Variants in STRN observed in about 807,000 individuals in gnomAD.
STRN encodes the protein striatin, also known as protein phosphatase 2 regulatory subunit B'''alpha.
In STRN, 53 loss-of-function variants were observed where a neutral mutation model predicts 96.3. The observed-to-expected ratio is 0.55, with a 90% CI of 0.44 to 0.69. The LOEUF (loss-of-function observed/expected upper bound fraction) is 0.69. STRN is among the 30% of genes least tolerant of loss of function. The pLI is 0.00. For synonymous variants in STRN, 428 were observed against 355.9 expected (o/e 1.20, Z -2.28); for missense variants, 987 against 963.9 (o/e 1.02, Z -0.32).
chr2:36,879,130 G>C (rs1669000459), intron 9 of STRN, among the ~76,000 whole-genome samples: 1 of 151,530 alleles, frequency 6.6e-6, no homozygotes, highest in South Asian at 2.1e-4. Context: ...GAGTGCACTG[G>C]CATGATCTCA....
chr2:36,926,329 T>TAA (rs1052910354), intron 1 of STRN, among the ~76,000 whole-genome samples: 1 of 152,192 alleles, frequency 6.6e-6, no homozygotes, highest in Non-Finnish European at 1.5e-5. Flanking sequence ...TAATACCTCT[T>TAA]AAAAGTCATA....
chr2:36,912,157 T>G (rs551940256), intron 3 of STRN, among the ~76,000 whole-genome samples: 2 of 152,304 alleles, frequency 1.3e-5, no homozygotes, highest in South Asian at 4.1e-4. Context: ...CCCTACCACC[T>G]TCTTCAGATT....
intron 1 of STRN, among the ~76,000 whole-genome samples, chr2:36,947,147 C>T (rs1329005908): frequency 6.6e-6 from 1 of 152,126 alleles, no homozygotes; most frequent in Non-Finnish European, 1.5e-5. Flanking sequence ...CTGCCTGCCT[C>T]GGCCTCCCAA....
chr2:36,872,027 G>A (rs1383657924), intron 10 of STRN, among the ~76,000 whole-genome samples: 1 of 152,230 alleles, frequency 6.6e-6, no homozygotes, highest in Admixed American at 6.5e-5. Flanking sequence ...TTAAGCACCT[G>A]AAAGGCTTTC....
At chr2:36,957,860 C>G (rs917677510) in intron 1 of STRN, among the ~76,000 whole-genome samples, 12 of 139,832 alleles carry the variant, frequency 8.6e-5, no homozygotes, top group Non-Finnish European at 1.5e-4. Flanking sequence ...AGGTGATTCT[C>G]CTGCCTCAGC....
At chr2:36,894,162 G>A in intron 6 of STRN, 129 bp from the exon 7 acceptor site, 2 of 1,022,236 alleles carry the variant, frequency 2.0e-6, no homozygotes, top group Non-Finnish European at 2.7e-6. Flanking sequence ...CTAACTCAGT[G>A]AAAATCACAT....
At chr2:36,887,084 C>CACACACACACACACACACAT (rs1281980963) in intron 7 of STRN, among the ~76,000 whole-genome samples, 1 of 118,112 alleles carries the variant, frequency 8.5e-6, no homozygotes, top group African/African-American at 2.9e-5. Context: ...CACACACACA[C>CACACACACACACACACACAT]ACGGAAGATT....
At chr2:36,857,774 G>A in intron 14 of STRN, 82 bp downstream of exon 14, 3 of 1,190,022 alleles carry the variant, frequency 2.5e-6, no homozygotes, top group South Asian at 1.8e-5. Context: ...AAAGAGTTCA[G>A]GGAATCATTT....
rs886896996 is a variant in STRN, at chr2:36,844,712, G to T, written c.*4744C>A. The T allele has an allele frequency of 2.0e-5, 3 of 151,932 alleles. No homozygotes were observed. The highest frequency in any genetic ancestry group is 1.5e-5 in the Non-Finnish European group (1 of 67,970). 9.4% of individuals were successfully genotyped at this position (151,932 alleles called of 1,614,324 possible). On this transcript the variant is annotated 3_prime_UTR_variant, in exon 18 of 18. Transcript: ENST00000263918. ...AAAAAAACAAAACAAAAACTGAAAG[G>T]ATCTGTTAAATACTTTGTCAACCTG...
At chr2:36,902,555 C>T (rs1669714165) in intron 5 of STRN, 29 bp downstream of exon 5, 23 of 1,563,258 alleles carry the variant, frequency 1.5e-5, no homozygotes, top group Non-Finnish European at 1.9e-5. Context: ...CTAATAATAG[C>T]TAAAACACTT....
chr2:36,904,236 A>C (rs1368858261), intron 4 of STRN, among the ~76,000 whole-genome samples: 1 of 152,244 alleles, frequency 6.6e-6, no homozygotes, highest in Non-Finnish European at 1.5e-5. Flanking sequence ...TTTTCTTGTA[A>C]CTATCTAGAT....
At chr2:36,949,137 C>T (rs1003969279) in intron 1 of STRN, among the ~76,000 whole-genome samples, 3 of 152,208 alleles carry the variant, frequency 2.0e-5, no homozygotes, top group African/African-American at 7.2e-5. Flanking sequence ...TGTGTTACAT[C>T]TGCCTACAGT....
At chr2:36,851,750 A>G (rs1055956782) in intron 15 of STRN, among the ~76,000 whole-genome samples, 1 of 152,208 alleles carries the variant, frequency 6.6e-6, no homozygotes, top group Non-Finnish European at 1.5e-5. Flanking sequence ...TTACATGGAG[A>G]TAATTCTCAA....
chr2:36,877,700 T>A (rs939133243), intron 10 of STRN, among the ~76,000 whole-genome samples, 191 bp downstream of exon 10: 2 of 152,236 alleles, frequency 1.3e-5, no homozygotes, highest in African/African-American at 2.4e-5. Context: ...CATGCCTGGC[T>A]AATTTTTTGT....
chr2:36,941,832 C>T (rs1044112434), intron 1 of STRN, among the ~76,000 whole-genome samples: 2 of 151,782 alleles, frequency 1.3e-5, no homozygotes, highest in African/African-American at 2.4e-5. Context: ...GGATTACAGG[C>T]GTGAGCCACC....
Position 36,899,591 on chromosome 2 carries a change from C to G in STRN, c.727G>C (p.Asp243His), listed in dbSNP as rs1317031363. 6.2e-7 allele frequency: 1 copy of G among 1,613,618 alleles called. No homozygotes were observed. Among genetic ancestry groups the G allele is most frequent in the South Asian group, 1.1e-5 (1 of 91,022 alleles). The change falls in exon 6 of 18, where the codon GAT becomes CAT. Residue 243 changes from aspartate (D) to histidine (H), a missense_variant. Asp to His is a moderately conservative substitution (Grantham distance 81). Transcript: ENST00000263918. ...TCATCTTCATCTTCATCACTGAAAT[C>G]TGCAGCTGCACTTTCAAGGAATTTG... ...NFKFLESAAA[D>H]FSDEDEDDDV...
At chr2:36,905,431 T>A (rs1014026199) in intron 4 of STRN, 109 bp downstream of exon 4, 1 of 951,834 alleles carries the variant, frequency 1.1e-6, no homozygotes, top group African/African-American at 1.6e-5. Context: ...TTTCACAGCA[T>A]CTGTATGAGA....
At position 36,845,952 on chromosome 2, in the gene STRN, C is replaced by T; in HGVS notation, c.*3504G>A. 7.5e-6 allele frequency: 1 copy of T among 132,770 alleles called. No individual in the cohort carries two copies. Among genetic ancestry groups the T allele is most frequent in the East Asian group, 2.4e-4 (1 of 4,152 alleles). 8.2% of individuals were successfully genotyped at this position (132,770 alleles called of 1,614,324 possible). A position where few individuals can be genotyped will look rare whatever the true frequency, so the allele number is the denominator to read the frequency against. On this transcript the variant is annotated 3_prime_UTR_variant, in exon 18 of 18. Transcript: ENST00000263918. ...ACACACACACACACACACACACACA[C>T]TAACTCTCTCTCTCTCTCTGTGCCC...
rs897016095 is a variant in STRN, at chr2:36,887,487, C to CA, written c.932-662dup. Among the ~76,000 whole-genome samples, 36 of 151,308 alleles carry CA rather than the reference C, an allele frequency of 2.4e-4. 1 individual carries two copies. In the East Asian group the frequency reaches 6.4e-3, roughly 27 times the overall value. On this transcript the variant is annotated intron_variant, in intron 7 of 17. Coordinates refer to ENST00000263918, the MANE Select transcript of STRN (RefSeq NM_003162.4). ...CTCTGTCTCAAAAAAAAACAAAAAACAAAAAACAGAACTTCTCGTTTTCAG... is the reference window on the plus strand; with the variant it reads ...CTCTGTCTCAAAAAAAAACAAAAAACAAAAAAACAGAACTTCTCGTTTTCAG...
Sources: allele counts gnomAD v4.1 joint callset (sites outside exome capture counted in the v4.1 genomes callset), GRCh38; gene constraint gnomAD v4.1.1; transcripts MANE v1.5; gene names NCBI Gene and HGNC (gene_info 2026-07-23, HGNC 2026-07-21).